The following ZNF804B variants were observed in gnomAD, a reference collection of about 807,000 sequenced individuals.
The protein encoded by ZNF804B is zinc finger protein 804B, also known as zinc finger 804B.
ZNF804B carries 80 observed loss-of-function variants against 101.4 expected under a neutral mutation model. The observed-to-expected ratio is 0.79, with a 90% CI of 0.66 to 0.95. ZNF804B has a LOEUF of 0.95. ZNF804B is among the 40% of genes least tolerant of loss of function. The pLI is 0.00. For missense variants in ZNF804B, 1,673 were observed against 1,561.9 expected (o/e 1.07, Z -1.20); for synonymous variants, 622 against 558.8 (o/e 1.11, Z -1.59).
chr7:89,134,567 G>A (rs1790602299), intron 1 of ZNF804B, among the ~76,000 whole-genome samples: 1 of 152,056 alleles, frequency 6.6e-6, no homozygotes, highest in Non-Finnish European at 1.5e-5. Flanking sequence ...ATGCATAGCT[G>A]GAGGGTTTGA....
intron 1 of ZNF804B, among the ~76,000 whole-genome samples, chr7:89,016,684 T>C (rs925867365): frequency 1.3e-5 from 2 of 152,108 alleles, no homozygotes; most frequent in African/African-American, 2.4e-5. Context: ...TCTGTTCTGT[T>C]CCATTGATTT....
chr7:89,172,338 A>T lies in ZNF804B; in HGVS notation c.109-45817A>T, dbSNP rs147627593. 1.7e-3 allele frequency among the ~76,000 whole-genome samples: 252 copies of T among 152,292 alleles called. 1 individual carries two copies. The Middle Eastern group carries it at 0.017, about 10-fold the overall frequency. On this transcript the variant is annotated intron_variant, in intron 1 of 3. Transcript: ENST00000333190. The stretch of plus-strand genomic sequence containing the variant: ...AGTAAATGGGAAGTGAGAAAATGAC[A>T]GCAGTTAGTATAATCTACCTTTCAA...
At chr7:88,778,759 G>T (rs1053000538) in intron 1 of ZNF804B, among the ~76,000 whole-genome samples, 2 of 152,096 alleles carry the variant, frequency 1.3e-5, no homozygotes, top group Non-Finnish European at 2.9e-5. Context: ...AGGAAGGCAG[G>T]CATTACCCTG....
intron 1 of ZNF804B, among the ~76,000 whole-genome samples, chr7:88,784,716 C>T (rs1457405953): frequency 6.6e-6 from 1 of 152,204 alleles, no homozygotes; most frequent in Non-Finnish European, 1.5e-5. Flanking sequence ...GCCTCTGCCA[C>T]TTTGCATAGG....
intron 2 of ZNF804B, among the ~76,000 whole-genome samples, chr7:89,249,505 A>G (rs1269901097): frequency 6.6e-6 from 1 of 152,192 alleles, no homozygotes; most frequent in East Asian, 1.9e-4. Flanking sequence ...AATTACATGG[A>G]AATTAAACAC....
chr7:89,034,654 T>C (rs965122827), intron 1 of ZNF804B, among the ~76,000 whole-genome samples: 1 of 152,222 alleles, frequency 6.6e-6, no homozygotes, highest in African/African-American at 2.4e-5. Context: ...CTATCACTGA[T>C]GGGCATTTGG....
intron 2 of ZNF804B, among the ~76,000 whole-genome samples, chr7:89,301,398 C>T (rs1790472317): frequency 6.6e-6 from 1 of 151,600 alleles, no homozygotes; most frequent in East Asian, 1.9e-4. Flanking sequence ...CCAAACTCAC[C>T]CTGTGAACCC....
chr7:89,065,691 G>T (rs1789446367), intron 1 of ZNF804B, among the ~76,000 whole-genome samples: 2 of 152,088 alleles, frequency 1.3e-5, no homozygotes, highest in East Asian at 1.9e-4. Flanking sequence ...CTTCTGGTGG[G>T]GTTGGGGAGG....
At chr7:89,225,917 G>T (rs547057340) in intron 2 of ZNF804B, among the ~76,000 whole-genome samples, 3 of 152,228 alleles carry the variant, frequency 2.0e-5, no homozygotes, top group South Asian at 2.1e-4. Context: ...GGAGAGCTTG[G>T]CTCTGTGATG....
chr7:89,147,969 A>C (rs1045136062), intron 1 of ZNF804B, among the ~76,000 whole-genome samples: 4 of 151,850 alleles, frequency 2.6e-5, no homozygotes, highest in African/African-American at 9.7e-5. Context: ...GTGCACCATA[A>C]ATATAATGCA....
At chr7:89,248,547 T>C (rs1187422108) in intron 2 of ZNF804B, among the ~76,000 whole-genome samples, 2 of 152,024 alleles carry the variant, frequency 1.3e-5, no homozygotes, top group African/African-American at 2.4e-5. Flanking sequence ...CTAAGCTTCT[T>C]AAGCAAAGGA....
At chr7:88,930,273 G>C (rs181358646) in intron 1 of ZNF804B, among the ~76,000 whole-genome samples, 8 of 152,016 alleles carry the variant, frequency 5.3e-5, no homozygotes, top group Non-Finnish European at 1.0e-4. Flanking sequence ...TTGGGATATA[G>C]TTGCAAAAAT....
intron 1 of ZNF804B, among the ~76,000 whole-genome samples, chr7:89,098,027 G>T (rs892003843): frequency 1.3e-5 from 2 of 152,016 alleles, no homozygotes; most frequent in East Asian, 3.9e-4. Context: ...CATTCTTATC[G>T]TGCACTAGCT....
At chr7:89,023,672 G>T (rs1315813452) in intron 1 of ZNF804B, among the ~76,000 whole-genome samples, 2 of 152,048 alleles carry the variant, frequency 1.3e-5, no homozygotes, top group Non-Finnish European at 2.9e-5. Flanking sequence ...TAACCACAAG[G>T]TTCAGCATTT....
At chr7:89,185,609 C>T (rs185343694) in intron 1 of ZNF804B, among the ~76,000 whole-genome samples, 123 of 152,130 alleles carry the variant, frequency 8.1e-4, no homozygotes, top group African/African-American at 2.8e-3. Context: ...GCTTGTAATC[C>T]CCGCACTTTG....
In ZNF804B at chr7:89,333,598, A is replaced by T. The variant is rs199767132; in HGVS notation, c.616A>T (p.Thr206Ser). ...TTTGTTTGGAAATCAGGTACTGCAA[A>T]CATCTTCAGATCTCAGCAATGCAAA... is the stretch of plus-strand genomic sequence containing the variant. Reference protein sequence around the residue: ...RCLFGNQVLQTSSDLSNANHR... With the variant: ...RCLFGNQVLQSSSDLSNANHR... Residue 206 changes from threonine to serine, a missense_variant, in exon 4 of 4, where the codon ACA becomes TCA. Thr to Ser is a moderately conservative substitution (Grantham distance 58). Coordinates refer to ENST00000333190, the MANE Select transcript of ZNF804B (RefSeq NM_181646.5). 1.6e-5 allele frequency: 26 copies of T among 1,613,662 alleles called. No individual in the cohort carries two copies. In the African/African-American group the frequency reaches 2.5e-4, roughly 16 times the overall value.
Position 89,016,326 on chromosome 7 carries a change from A to G in ZNF804B, c.109-201829A>G, listed in dbSNP as rs1271325813. Among the ~76,000 whole-genome samples, 13 of 151,946 alleles carry G rather than the reference A, an allele frequency of 8.6e-5. No individual in the cohort carries two copies. The East Asian group carries it at 2.5e-3, about 29-fold the overall frequency. On this transcript the variant is annotated intron_variant, in intron 1 of 3. Transcript: ENST00000333190. Reference sequence around the variant, plus strand: ...GCTGGTAGTTTCTTTTGCTGTGCAGAAGCTCTTTAGTTTAATTAGATCCCA... The same window carrying G: ...GCTGGTAGTTTCTTTTGCTGTGCAGGAGCTCTTTAGTTTAATTAGATCCCA...
chr7:89,109,920 A>G (rs1790190540), intron 1 of ZNF804B, among the ~76,000 whole-genome samples: 1 of 152,176 alleles, frequency 6.6e-6, no homozygotes, highest in Non-Finnish European at 1.5e-5. Flanking sequence ...AAGTAAATGC[A>G]TTATATAACT....
At chr7:89,102,603 T>C (rs1159781064) in intron 1 of ZNF804B, among the ~76,000 whole-genome samples, 1 of 151,898 alleles carries the variant, frequency 6.6e-6, no homozygotes, top group Non-Finnish European at 1.5e-5. Flanking sequence ...AGAGGTATAA[T>C]TTGTAAACAG....
Sources: gnomAD v4.1 joint callset for allele counts (sites outside exome capture counted in the v4.1 genomes callset) on GRCh38, gnomAD v4.1.1 for gene constraint, MANE v1.5 for transcripts, NCBI Gene and HGNC (gene_info 2026-07-23, HGNC 2026-07-21) for gene names.